KIAA1549L: variants seen among roughly 807,000 people sequenced by gnomAD.
KIAA1549L encodes UPF0606 protein KIAA1549L.
Under a neutral mutation model 160.7 loss-of-function variants are expected in KIAA1549L, and 88 were observed. The observed-to-expected ratio is 0.55, with a 90% CI of 0.46 to 0.65. KIAA1549L has a LOEUF of 0.65. KIAA1549L is among the 30% of genes least tolerant of loss of function. The pLI, the probability that KIAA1549L is intolerant of heterozygous loss-of-function variation, is 0.00. For synonymous variants in KIAA1549L, 950 were observed against 976.7 expected (o/e 0.97, Z 0.51); for missense variants, 2,258 against 2,437.5 (o/e 0.93, Z 1.55).
At chr11:33,435,887 A>C (rs1438393197) in intron 1 of KIAA1549L, among the ~76,000 whole-genome samples, 1 of 140,514 alleles carries the variant, frequency 7.1e-6, no homozygotes, top group African/African-American at 2.6e-5. Context: ...TATAGTACAT[A>C]CATATTACAG....
intron 1 of KIAA1549L, chr11:33,403,577 TG>T (rs1487204767): frequency 6.7e-6 from 1 of 148,878 alleles, no homozygotes; most frequent in Non-Finnish European, 1.5e-5. Flanking sequence ...CATGCAGACA[TG>T]GACACACACC....
At chr11:33,502,277 A>G (rs1362701517) in intron 1 of KIAA1549L, among the ~76,000 whole-genome samples, 2 of 152,170 alleles carry the variant, frequency 1.3e-5, no homozygotes, top group East Asian at 3.8e-4. Context: ...GGGGATTTTT[A>G]TGTTGCTACC....
rs1039845199 is a variant in KIAA1549L, at chr11:33,469,065, T to A, written c.239-72737T>A. 3.3e-5 allele frequency among the ~76,000 whole-genome samples: 5 copies of A among 152,220 alleles called. No individual in the cohort carries two copies. The South Asian group carries it at 1.0e-3, about 32-fold the overall frequency. On this transcript the variant is annotated intron_variant, in intron 1 of 20. Coordinates refer to ENST00000658780, the MANE Select transcript of KIAA1549L (RefSeq NM_012194.3). ...ACATATAATTTGTATATCATTAAATTCACCTGTTTAAAGTGTACAATTCAG... is the reference window on the plus strand; with the variant it reads ...ACATATAATTTGTATATCATTAAATACACCTGTTTAAAGTGTACAATTCAG...
intron 1 of KIAA1549L, among the ~76,000 whole-genome samples, chr11:33,484,202 C>T (rs1192454276): frequency 6.6e-6 from 1 of 152,142 alleles, no homozygotes; most frequent in Non-Finnish European, 1.5e-5. Context: ...GTTTAGAAAC[C>T]TGATGAGTGC....
chr11:33,541,300 C>T (rs1316854828), intron 1 of KIAA1549L, among the ~76,000 whole-genome samples: 1 of 152,212 alleles, frequency 6.6e-6, no homozygotes, highest in Non-Finnish European at 1.5e-5. Context: ...CCTTTTAAAT[C>T]CAGGAAGATA....
chr11:33,542,842 G>A lies in KIAA1549L; in HGVS notation c.1279G>A (p.Gly427Arg), dbSNP rs1309428152. 6.2e-7 allele frequency: 1 copy of A among 1,613,842 alleles called. No homozygotes were observed. ...EPPLFQTAESGAIEMTSRKLA... is the reference protein window; with the variant it reads ...EPPLFQTAESRAIEMTSRKLA... ...TCCACTTTTCCAGACTGCAGAATCA[G>A]GGGCCATAGAAATGACCAGCAGAAA... is the stretch of plus-strand genomic sequence containing the variant. The change falls in exon 2 of 21, where the codon GGG (glycine) becomes AGG (arginine). Residue 427 changes from glycine to arginine, a missense_variant. Physicochemically the swap from Gly to Arg is moderately radical, Grantham distance 125 (BLOSUM62 -2). This residue lies in a region of KIAA1549L where 540 missense variants were observed against 465.7 expected (regional missense o/e 1.16). Coordinates refer to ENST00000658780, the MANE Select transcript of KIAA1549L (RefSeq NM_012194.3).
At chr11:33,462,997 T>G (rs1263312964) in intron 1 of KIAA1549L, among the ~76,000 whole-genome samples, 1 of 152,054 alleles carries the variant, frequency 6.6e-6, no homozygotes, top group African/African-American at 2.4e-5. Context: ...TGGCTAATTC[T>G]TTTTCTATTT....
At chr11:33,477,520 AACAC>A (rs57378048) in intron 1 of KIAA1549L, among the ~76,000 whole-genome samples, 68 of 146,912 alleles carry the variant, frequency 4.6e-4, no homozygotes, top group South Asian at 8.5e-4. Flanking sequence ...CACACACACA[AACAC>A]ACACACACAC....
intron 8 of KIAA1549L, among the ~76,000 whole-genome samples, chr11:33,565,871 C>T (rs1257113398): frequency 1.3e-5 from 2 of 151,808 alleles, no homozygotes; most frequent in Non-Finnish European, 1.5e-5. Context: ...AAAAAATAGC[C>T]AGTGTGGTGG....
At chr11:33,596,318 C>G (rs982680038) in intron 12 of KIAA1549L, among the ~76,000 whole-genome samples, 3 of 152,152 alleles carry the variant, frequency 2.0e-5, no homozygotes, top group African/African-American at 7.2e-5. Flanking sequence ...TAAACAGAAG[C>G]AAAGAGTAAA....
chr11:33,646,232 C>A (rs1473313534), intron 17 of KIAA1549L, among the ~76,000 whole-genome samples, 196 bp downstream of exon 17: 1 of 152,224 alleles, frequency 6.6e-6, no homozygotes. Flanking sequence ...GTGGACAATG[C>A]ACGTGAGAAT....
chr11:33,519,722 G>A (rs1853434412), intron 1 of KIAA1549L, among the ~76,000 whole-genome samples: 2 of 152,120 alleles, frequency 1.3e-5, no homozygotes, highest in Non-Finnish European at 2.9e-5. Context: ...ATCAGAGAAG[G>A]AGAGCATTTT....
intron 1 of KIAA1549L, among the ~76,000 whole-genome samples, chr11:33,425,787 A>G (rs1041586641): frequency 1.3e-5 from 2 of 152,236 alleles, no homozygotes; most frequent in Admixed American, 6.5e-5. Flanking sequence ...AGATAACATC[A>G]CCAGTAATGA....
rs1001952248 is a variant in KIAA1549L, at chr11:33,542,170, C to T, written c.607C>T (p.Pro203Ser). ...VSGLPLTSML[P>S]SLSTVPSGTS... Reference sequence around the variant, plus strand: ...AGGTTTGCCTCTCACCAGCATGCTCCCCTCGTTGTCCACAGTCCCATCAGG... The same window carrying T: ...AGGTTTGCCTCTCACCAGCATGCTCTCCTCGTTGTCCACAGTCCCATCAGG... Residue 203 changes from proline (P) to serine (S), a missense_variant, in exon 2 of 21, where the codon CCC becomes TCC. Physicochemically the swap from Pro to Ser is moderately conservative, Grantham distance 74. This residue lies in a region of KIAA1549L where 540 missense variants were observed against 465.7 expected (regional missense o/e 1.16). Transcript: ENST00000658780. 7 of 614,368 alleles carry T rather than the reference C, an allele frequency of 1.1e-5. No homozygotes were observed. The highest frequency in any genetic ancestry group is 2.1e-5 in the Non-Finnish European group (7 of 328,014). The allele number at this position is 614,368 out of a possible 1,614,324, so 38.1% of individuals were successfully genotyped here.
chr11:33,405,955 GTGGACC>G (rs1686980846), intron 1 of KIAA1549L, among the ~76,000 whole-genome samples: 1 of 151,382 alleles, frequency 6.6e-6, no homozygotes, highest in Admixed American at 6.6e-5. Flanking sequence ...TAATGGGCTT[GTGGACC>G]TGGTCTACTA....
At chr11:33,463,507 C>A (rs1851984439) in intron 1 of KIAA1549L, among the ~76,000 whole-genome samples, 1 of 151,992 alleles carries the variant, frequency 6.6e-6, no homozygotes, top group Non-Finnish European at 1.5e-5. Flanking sequence ...GAGACCAAGC[C>A]CATACCCACA....
rs779262824 is a variant in KIAA1549L, at chr11:33,645,799, G to T, written c.5523G>T (p.Gln1841His). The change falls in exon 17 of 21, where the codon CAG becomes CAT. Residue 1841 changes from glutamine to histidine, a missense_variant. Gln to His is a conservative substitution (Grantham distance 24). This residue lies in a region of KIAA1549L where 1,359 missense variants were observed against 1,546.6 expected (regional missense o/e 0.88). Transcript: ENST00000658780. ...CGGAGACCTCCACACTGAGCTCCCA[G>T]CCATCCATCGACGAGGTCAGGCAGC... The part of the protein sequence containing the change: ...GHSETSTLSS[Q>H]PSIDEVRQQM... The T allele has an allele frequency of 1.9e-6, 3 of 1,613,948 alleles. No individual in the cohort carries two copies. Among genetic ancestry groups the T allele is most frequent in the Non-Finnish European group, 2.5e-6 (3 of 1,179,888 alleles).
In KIAA1549L at chr11:33,583,339, C is replaced by T. The variant is rs2273117; in HGVS notation, c.4404C>T (p.Pro1468=). 363,133 of 1,599,126 alleles carry T rather than the reference C, an allele frequency of 0.23. 43,316 individuals carry two copies. The highest frequency in any genetic ancestry group is 0.35 in the East Asian group (15,464 of 44,212). The part of the protein sequence containing the change: ...LHHVVLLQAD[P]VVKNPPNNLW... ...CCTCCTGCTGGCTCTTTCCCACAGC[C>T]GTGGTGAAGAACCCGCCCAATAACC... is the stretch of plus-strand genomic sequence containing the variant. The change falls in exon 11 of 21, where the codon CCC becomes CCT. Residue 1468 remains proline (P), a splice_region_variant and synonymous_variant. Transcript: ENST00000658780.
chr11:33,381,192 C>T (rs60386167), intron 1 of KIAA1549L, among the ~76,000 whole-genome samples: 351 of 152,094 alleles, frequency 2.3e-3, no homozygotes, highest in African/African-American at 7.8e-3. Flanking sequence ...GTAATACTGA[C>T]GATGCAAGTT....
Sources: gnomAD v4.1 joint callset for allele counts (sites outside exome capture counted in the v4.1 genomes callset) on GRCh38, gnomAD v4.1.1 for gene constraint, gnomAD v4.1.1 regional missense constraint, MANE v1.5 for transcripts, NCBI Gene and HGNC (gene_info 2026-07-23, HGNC 2026-07-21) for gene names.